TBC1D32: variants seen among roughly 807,000 people sequenced by gnomAD.
The protein encoded by TBC1D32 is TBC1 domain family member 32.
A neutral mutation model predicts 170.3 loss-of-function variants in TBC1D32; 151 were observed. That is an observed-to-expected ratio of 0.89 (90% confidence interval 0.78 to 1.01). TBC1D32 has a LOEUF of 1.01. TBC1D32 is among the 50% of genes least tolerant of loss of function. The pLI is 0.00. For missense variants in TBC1D32, 1,464 were observed against 1,457.1 expected, an observed-to-expected ratio of 1.00 and a Z score of -0.08; for synonymous variants, 498 against 488.0, an observed-to-expected ratio of 1.02 and a Z score of -0.27.
intron 20 of TBC1D32, among the ~76,000 whole-genome samples, chr6:121,238,580 T>A (rs1472379443): frequency 6.6e-6 from 1 of 152,158 alleles, no homozygotes; most frequent in Non-Finnish European, 1.5e-5. Flanking sequence ...AGCCATTGAA[T>A]TATGATAGAA....
rs369359139 is a variant in TBC1D32 at position 121,090,864 on chromosome 6, C to T, written c.3643G>A (p.Val1215Ile). 4.4e-6 allele frequency: 7 copies of T among 1,608,770 alleles called. No homozygotes were observed. The highest frequency in any genetic ancestry group is 5.9e-6 in the Non-Finnish European group (7 of 1,178,606). ...LQHTQTQDLQ[V>I]FLKEEALHGF... ...ATAAACATACTTACTTTTAGGAAAA[C>T]TTGCAGATCTTGAGTCTGAGTGTGC... Residue 1215 changes from valine (V) to isoleucine (I), a missense_variant, in exon 31 of 32, where the codon GTT (valine) becomes ATT (isoleucine). By Grantham distance (29) the Val-to-Ile change is conservative. Around this residue, in one of 3 missense-constraint regions of TBC1D32, gnomAD observed 97 missense variants for 102.0 expected, o/e 0.95. Transcript: ENST00000398212.
At position 121,090,963 on chromosome 6, in the gene TBC1D32, C is replaced by A; in HGVS notation, c.3544G>T (p.Val1182Phe). 1 of 1,612,912 alleles carries A rather than the reference C, an allele frequency of 6.2e-7. No individual in the cohort carries two copies. Among genetic ancestry groups the A allele is most frequent in the Non-Finnish European group, 8.5e-7 (1 of 1,179,722 alleles). The part of the protein sequence containing the change: ...IEICHYIATC[V>F]FLGPDYQVYI... Reference sequence around the variant, plus strand: ...ACTTGATAATCAGGACCAAGGAAAACACAAGTAGCAATATAATGGCAGATT... The same window carrying A: ...ACTTGATAATCAGGACCAAGGAAAAAACAAGTAGCAATATAATGGCAGATT... The change falls in exon 31 of 32, where the codon GTT (valine) becomes TTT (phenylalanine). Residue 1182 changes from valine to phenylalanine, a missense_variant. Transcript: ENST00000398212.
At chr6:121,124,322 AT>A (rs140499026) in intron 26 of TBC1D32, among the ~76,000 whole-genome samples, 2,900 of 151,800 alleles carry the variant, frequency 0.019, 91 homozygotes, top group African/African-American at 0.067. Flanking sequence ...ACATGTTTTT[AT>A]TTTTTACTTT....
In TBC1D32 at chr6:121,308,111, T is replaced by C. The variant is rs1807607871; in HGVS notation, c.565-10A>G. ...AGGCTTCATATCTCACCTACAATTT[T>C]TTTAAAAGACTTTTATTAACACTCA... On this transcript the variant is annotated splice_polypyrimidine_tract_variant and intron_variant, in intron 4 of 31. Transcript: ENST00000398212. 1.2e-6 allele frequency: 2 copies of C among 1,607,118 alleles called. No homozygotes were observed. The highest frequency in any genetic ancestry group is 4.5e-5 in the East Asian group (2 of 44,690).
chr6:121,235,272 T>C (rs945020973), intron 20 of TBC1D32, among the ~76,000 whole-genome samples: 13 of 152,096 alleles, frequency 8.5e-5, no homozygotes, highest in Non-Finnish European at 1.8e-4. Context: ...TGGTTAAGCA[T>C]TCAGGATTCT....
At chr6:121,183,907 A>C (rs1316623934) in intron 22 of TBC1D32, among the ~76,000 whole-genome samples, 1 of 152,006 alleles carries the variant, frequency 6.6e-6, no homozygotes, top group Non-Finnish European at 1.5e-5. Context: ...CAGACAATAC[A>C]CACTATGTGC....
At chr6:121,309,764 T>C (rs76079930) in intron 4 of TBC1D32, among the ~76,000 whole-genome samples, 4,986 of 152,248 alleles carry the variant, frequency 0.033, 192 homozygotes, top group East Asian at 0.12. Flanking sequence ...CCAGGCACAG[T>C]GGCTCACACT....
intron 20 of TBC1D32, among the ~76,000 whole-genome samples, chr6:121,226,972 C>T (rs1438410927): frequency 1.4e-5 from 2 of 147,892 alleles, no homozygotes; most frequent in East Asian, 3.8e-4. Context: ...AATATTTTGG[C>T]TTCCCTGGGC....
At chr6:121,217,696 A>C (rs1583262843) in intron 21 of TBC1D32, among the ~76,000 whole-genome samples, 1 of 152,322 alleles carries the variant, frequency 6.6e-6, no homozygotes, top group Admixed American at 6.5e-5. Flanking sequence ...ATTAGGTACA[A>C]GGCTTAGTAC....
chr6:121,308,230 C>T, intron 4 of TBC1D32, 129 bp from the exon 5 acceptor site: 1 of 885,770 alleles, frequency 1.1e-6, no homozygotes. Flanking sequence ...TTATCAGATG[C>T]CTTTATATTA....
At chr6:121,120,951 T>C (rs1252563581) in intron 26 of TBC1D32, among the ~76,000 whole-genome samples, 1 of 152,046 alleles carries the variant, frequency 6.6e-6, no homozygotes, top group Non-Finnish European at 1.5e-5. Flanking sequence ...GTCATCTGTA[T>C]ATTCACATGT....
chr6:121,334,709 A>C, upstream of TBC1D32: 1 of 452,800 alleles, frequency 2.2e-6, no homozygotes. Flanking sequence ...CCCGACTAAC[A>C]ACAAAAGAGA....
intron 21 of TBC1D32, among the ~76,000 whole-genome samples, chr6:121,219,777 A>G (rs1056837131): frequency 6.6e-6 from 1 of 152,258 alleles, no homozygotes; most frequent in African/African-American, 2.4e-5. Context: ...CGCTACGTCA[A>G]ACAAGTCTAC....
chr6:121,152,949 C>T (rs1015872504), intron 24 of TBC1D32, among the ~76,000 whole-genome samples: 1 of 152,118 alleles, frequency 6.6e-6, no homozygotes, highest in Non-Finnish European at 1.5e-5. Context: ...TTAGAAAGTG[C>T]TCCTTTAGCT....
At chr6:121,302,423 C>G (rs1806634427) in intron 9 of TBC1D32, among the ~76,000 whole-genome samples, 1 of 152,012 alleles carries the variant, frequency 6.6e-6, no homozygotes, top group Admixed American at 6.6e-5. Flanking sequence ...GAACACACTT[C>G]AGAATGTGAT....
chr6:121,128,526 C>T lies in TBC1D32; in HGVS notation c.2900-2065G>A, dbSNP rs575310403. 2.0e-5 allele frequency among the ~76,000 whole-genome samples: 3 copies of T among 152,132 alleles called. No individual in the cohort carries two copies. In the South Asian group the frequency reaches 6.2e-4, roughly 32 times the overall value. Reference sequence around the variant, plus strand: ...AAATTAATTCTAGGATGTTACTGTCCAGAAAGTAAACTATAGAATATTGTT... The same window carrying T: ...AAATTAATTCTAGGATGTTACTGTCTAGAAAGTAAACTATAGAATATTGTT... On this transcript the variant is annotated intron_variant, in intron 25 of 31. Transcript: ENST00000398212.
At chr6:121,130,090 A>G (rs112756956) in intron 25 of TBC1D32, among the ~76,000 whole-genome samples, 2,183 of 152,310 alleles carry the variant, frequency 0.014, 14 homozygotes, top group Middle Eastern at 0.031. Context: ...ATTATGTGGA[A>G]TCACCTAATG....
intron 21 of TBC1D32, among the ~76,000 whole-genome samples, chr6:121,207,701 A>C (rs113171346): frequency 0.017 from 2,661 of 152,224 alleles, 26 homozygotes; most frequent in South Asian, 0.041. Flanking sequence ...AGTAGACAGA[A>C]ATTCTGTATA....
chr6:121,290,183 A>C (rs951147518), intron 12 of TBC1D32, among the ~76,000 whole-genome samples: 3 of 152,226 alleles, frequency 2.0e-5, no homozygotes, highest in Non-Finnish European at 4.4e-5. Flanking sequence ...TCTGCACAGC[A>C]AAAGAAACTA....
Sources: gnomAD v4.1 joint callset for allele counts (sites outside exome capture counted in the v4.1 genomes callset) on GRCh38, gnomAD v4.1.1 for gene constraint, gnomAD v4.1.1 regional missense constraint, MANE v1.5 for transcripts, NCBI Gene and HGNC (gene_info 2026-07-23, HGNC 2026-07-21) for gene names.